The following FOXN1 variants were observed in gnomAD, a reference collection of about 807,000 sequenced individuals.
The protein encoded by FOXN1 is forkhead box protein N1.
A neutral mutation model predicts 49.0 loss-of-function variants in FOXN1; 15 were observed. The observed-to-expected ratio is 0.31, with a 90% confidence interval of 0.20 to 0.47. FOXN1 has a LOEUF of 0.47. Ranked by LOEUF, FOXN1 falls within the 20% of genes least tolerant of loss-of-function variation. The pLI, the probability that FOXN1 is intolerant of heterozygous loss-of-function variation, is 1.00. For missense variants in FOXN1, 800 were observed against 842.8 expected (o/e 0.95, Z 0.63); for synonymous variants, 356 against 369.0 (o/e 0.96, Z 0.40).
At position 28,527,297 on chromosome 17, in the gene FOXN1, G is replaced by A; in HGVS notation, c.635G>A (p.Gly212Glu). Residue 212 changes from glycine (G) to glutamate (E), a missense_variant, in exon 4 of 9, where the codon GGG (glycine) becomes GAG (glutamate). Gly to Glu is a moderately conservative substitution (Grantham distance 98). Around this residue, in one of 3 missense-constraint regions of FOXN1, gnomAD observed 383 missense variants for 357.9 expected, o/e 1.07. Coordinates refer to ENST00000579795, the MANE Select transcript of FOXN1 (RefSeq NM_001369369.1). ...VKPPVLESGA[G>E]MFCYQPPLQH... ...CCCCCAGTTCTGGAGAGTGGTGCTG[G>A]GATGTTCTGCTACCAGCCTCCCTTG... 1.9e-6 allele frequency: 3 copies of A among 1,614,068 alleles called. No individual in the cohort carries two copies. Among genetic ancestry groups the A allele is most frequent in the East Asian group, 2.2e-5 (1 of 44,874 alleles).
chr17:28,524,841 G>T lies in FOXN1; in HGVS notation c.462G>T (p.Pro154=), dbSNP rs755126985. ...GACACTCCTTTAAGACCCCAGGGCC[G>T]CTGGAGGCCTTCGAGGAGATCCCAG... ...LKGHSFKTPG[P]LEAFEEIPVD... is the part of the protein sequence containing the mutation. Residue 154 remains proline (P), a synonymous_variant, in exon 3 of 9, where the codon CCG becomes CCT. Coordinates refer to ENST00000579795, the MANE Select transcript of FOXN1 (RefSeq NM_001369369.1). 14 of 1,613,658 alleles carry T rather than the reference G, an allele frequency of 8.7e-6. No individual in the cohort carries two copies. The highest frequency in any genetic ancestry group is 3.3e-5 in the Admixed American group (2 of 60,008).
Position 28,524,692 on chromosome 17 carries a change from G to A in FOXN1, c.313G>A (p.Glu105Lys). ...AGACAAGTATCCTGGCTTTGGCTTT[G>A]AGGAGGCCGCAGCAAGCAGCCCTGG... ...PSDKYPGFGF[E>K]EAAASSPGRF... The change falls in exon 3 of 9, where the codon GAG (glutamate) becomes AAG (lysine). Residue 105 changes from glutamate to lysine, a missense_variant. This residue lies in a region of FOXN1 where 383 missense variants were observed against 357.9 expected (regional missense o/e 1.07). Coordinates refer to ENST00000579795, the MANE Select transcript of FOXN1 (RefSeq NM_001369369.1). 1 of 1,613,146 alleles carries A rather than the reference G, an allele frequency of 6.2e-7. No individual in the cohort carries two copies. The highest frequency in any genetic ancestry group is 1.1e-5 in the South Asian group (1 of 91,040).
intron 1 of FOXN1, among the ~76,000 whole-genome samples, chr17:28,508,022 C>T (rs961422962): frequency 6.6e-6 from 1 of 152,120 alleles, no homozygotes; most frequent in African/African-American, 2.4e-5. Context: ...CGCCCAGCCC[C>T]GCCCCGCCCG....
At chr17:28,524,184 C>G in intron 2 of FOXN1, 92 bp downstream of exon 2, 4 of 1,320,680 alleles carry the variant, frequency 3.0e-6, no homozygotes, top group Non-Finnish European at 4.2e-6. Context: ...CCCCAGGGAC[C>G]TCCCAGGGCC....
At chr17:28,519,937 C>G (rs1355856700) in intron 1 of FOXN1, among the ~76,000 whole-genome samples, 1 of 152,142 alleles carries the variant, frequency 6.6e-6, no homozygotes, top group Admixed American at 6.5e-5. Flanking sequence ...CCGATCCCCC[C>G]ACCCCCATAA....
chr17:28,537,145 T>C lies in FOXN1; in HGVS notation c.1656T>C (p.Asp552=), dbSNP rs745893087. ...ACCTGTGGGAACAGTTGAAGGATGA[T>C]AGCTTGGCCCTCGACCCCCTGGTAC... ...QGNLWEQLKD[D]SLALDPLVLV... Residue 552 remains aspartate, a synonymous_variant, in exon 9 of 9, where the codon GAT becomes GAC. Transcript: ENST00000579795. The C allele has an allele frequency of 1.2e-5, 20 of 1,613,932 alleles. No individual in the cohort carries two copies. The highest frequency in any genetic ancestry group is 5.0e-5 in the Admixed American group (3 of 59,998).
chr17:28,526,275 G>C (rs2069764873), intron 3 of FOXN1, among the ~76,000 whole-genome samples: 1 of 152,186 alleles, frequency 6.6e-6, no homozygotes, highest in Admixed American at 6.5e-5. Context: ...AGTGCTCTTG[G>C]CCCTTCTAGG....
intron 6 of FOXN1, among the ~76,000 whole-genome samples, chr17:28,532,041 A>G (rs905690846): frequency 5.3e-5 from 8 of 152,096 alleles, no homozygotes; most frequent in Admixed American, 3.9e-4. Context: ...CCAGCAGGTC[A>G]GGGGCTGAAC....
chr17:28,535,615 G>A (rs761144981), intron 8 of FOXN1, among the ~76,000 whole-genome samples: 6 of 152,196 alleles, frequency 3.9e-5, no homozygotes, highest in Non-Finnish European at 7.3e-5. Flanking sequence ...GCTGGGCATG[G>A]TGGCATGCAC....
intron 1 of FOXN1, among the ~76,000 whole-genome samples, chr17:28,508,589 AC>A (rs1199743779): frequency 6.6e-6 from 1 of 152,114 alleles, no homozygotes; most frequent in Non-Finnish European, 1.5e-5. Context: ...GTCTTCATGG[AC>A]CAGCAGAACC....
chr17:28,538,495 G>C lies in FOXN1; in HGVS notation c.*1059G>C, dbSNP rs375101519. 3.9e-5 allele frequency: 6 copies of C among 152,166 alleles called. No individual in the cohort carries two copies. Among genetic ancestry groups the C allele is most frequent in the Non-Finnish European group, 7.3e-5 (5 of 68,038 alleles). 9.4% of individuals were successfully genotyped at this position (152,166 alleles called of 1,614,324 possible). A position where few individuals can be genotyped will look rare whatever the true frequency, so the allele number is the denominator to read the frequency against. Reference sequence around the variant, plus strand: ...AAGTCAAAAACCACTTTCGACTTACGATGTTTCCCACTCACGATGGGTTTC... The same window carrying C: ...AAGTCAAAAACCACTTTCGACTTACCATGTTTCCCACTCACGATGGGTTTC... On this transcript the variant is annotated 3_prime_UTR_variant, in exon 9 of 9. Coordinates refer to ENST00000579795, the MANE Select transcript of FOXN1 (RefSeq NM_001369369.1).
At chr17:28,507,593 A>C (rs1368351679) in intron 1 of FOXN1, among the ~76,000 whole-genome samples, 1 of 152,128 alleles carries the variant, frequency 6.6e-6, no homozygotes, top group Non-Finnish European at 1.5e-5. Flanking sequence ...GTTTCCTCAC[A>C]ATCATGAAGT....
At chr17:28,527,037 C>T (rs941545877) in intron 3 of FOXN1, among the ~76,000 whole-genome samples, 5 of 151,516 alleles carry the variant, frequency 3.3e-5, no homozygotes, top group Non-Finnish European at 7.4e-5. Flanking sequence ...TGAGGGGAGG[C>T]GTAGGGACTG....
rs2069897649 is a variant in FOXN1, at chr17:28,530,904, TC to T, written c.927+60del. ...CCAAGTCCTGGACAGGCCAGGCCTC[TC>T]TGAGCAGAGGCTTCTGTCTGGAGGT... is the stretch of plus-strand genomic sequence containing the variant. On this transcript the variant is annotated intron_variant, in intron 6 of 8. Coordinates refer to ENST00000579795, the MANE Select transcript of FOXN1 (RefSeq NM_001369369.1). 4.2e-6 allele frequency: 4 copies of T among 954,134 alleles called. No individual in the cohort carries two copies. In the South Asian group the frequency reaches 5.1e-5, roughly 12 times the overall value. The allele number at this position is 954,134 out of a possible 1,614,324, so 59.1% of individuals were successfully genotyped here.
chr17:28,513,819 G>A (rs2069440869), intron 1 of FOXN1, among the ~76,000 whole-genome samples: 1 of 152,244 alleles, frequency 6.6e-6, no homozygotes, highest in Admixed American at 6.5e-5. Context: ...GCCATGGCTG[G>A]GTGGCAGAGG....
intron 6 of FOXN1, 60 bp downstream of exon 6, chr17:28,530,905 C>G (rs550812773): frequency 1.1e-6 from 1 of 930,774 alleles, no homozygotes; most frequent in East Asian, 2.4e-5. Context: ...CCAGGCCTCT[C>G]TGAGCAGAGG....
intron 1 of FOXN1, among the ~76,000 whole-genome samples, chr17:28,513,826 G>A (rs1485120706): frequency 6.6e-6 from 1 of 152,234 alleles, no homozygotes; most frequent in Non-Finnish European, 1.5e-5. Context: ...CTGGGTGGCA[G>A]AGGTTAGAGA....
At chr17:28,516,296 TACACACTGC>T (rs1192522470) in intron 1 of FOXN1, among the ~76,000 whole-genome samples, 5 of 151,096 alleles carry the variant, frequency 3.3e-5, no homozygotes, top group African/African-American at 1.2e-4. Context: ...CTCTACAGGG[TACACACTGC>T]CACAGGATCC....
chr17:28,525,041 C>A, intron 3 of FOXN1, 74 bp downstream of exon 3: 5 of 1,184,846 alleles, frequency 4.2e-6, no homozygotes, highest in Non-Finnish European at 6.1e-6. Context: ...AGAGTCAGAC[C>A]TCTGAGACCA....
Sources: allele counts gnomAD v4.1 joint callset (sites outside exome capture counted in the v4.1 genomes callset), GRCh38; gene constraint gnomAD v4.1.1; regional missense constraint gnomAD v4.1.1; transcripts MANE v1.5; gene names NCBI Gene and HGNC (gene_info 2026-07-23, HGNC 2026-07-21).